FBXO11: variants seen among roughly 807,000 people sequenced by gnomAD.
FBXO11 encodes the protein F-box only protein 11.
FBXO11 carries 13 observed loss-of-function variants against 117.0 expected under a neutral mutation model. The observed-to-expected ratio is 0.11, with a 90% CI of 0.07 to 0.18. FBXO11 has a LOEUF of 0.18. Among genes scored for constraint, FBXO11 ranks in the 10% least tolerant of loss-of-function variants. FBXO11 has a pLI of 1.00. For synonymous variants in FBXO11, 490 were observed against 380.5 expected (o/e 1.29, Z -3.35); for missense variants, 767 against 1,164.4 (o/e 0.66, Z 4.97).
At chr2:47,899,118 C>CA (rs1327338176) in intron 1 of FBXO11, among the ~76,000 whole-genome samples, 5 of 151,656 alleles carry the variant, frequency 3.3e-5, no homozygotes, top group Admixed American at 3.3e-4. Flanking sequence ...ACTAAAAATA[C>CA]AAAAAATTAG....
chr2:47,826,462 T>C (rs1671764216), intron 11 of FBXO11, among the ~76,000 whole-genome samples: 1 of 152,198 alleles, frequency 6.6e-6, no homozygotes, highest in Non-Finnish European at 1.5e-5. Flanking sequence ...TCACATCTAT[T>C]TTATTAAGTA....
intron 1 of FBXO11, among the ~76,000 whole-genome samples, chr2:47,885,683 G>A (rs545745583): frequency 6.6e-6 from 1 of 152,316 alleles, no homozygotes; most frequent in South Asian, 2.1e-4. Flanking sequence ...TGTTCCACAG[G>A]TGGTAGAGTA....
In FBXO11 at chr2:47,905,969, G is replaced by A. The variant is rs1340987858; in HGVS notation, c.-249C>T. Reference sequence around the variant, plus strand: ...CTGACGCACGGGGAAGGCCGAAGCCGCCGGGCGGGGCGGCCGCGAGGGACG... The same window carrying A: ...CTGACGCACGGGGAAGGCCGAAGCCACCGGGCGGGGCGGCCGCGAGGGACG... On this transcript the variant is annotated 5_prime_UTR_variant, in exon 1 of 23. Coordinates refer to ENST00000403359, the MANE Select transcript of FBXO11 (RefSeq NM_001190274.2). 4.9e-6 allele frequency: 2 copies of A among 408,726 alleles called. No homozygotes were observed. Among genetic ancestry groups the A allele is most frequent in the Non-Finnish European group, 4.4e-6 (1 of 228,680 alleles). The allele number at this position is 408,726 out of a possible 1,614,324, so 25.3% of individuals were successfully genotyped here.
rs1015514094 is a variant in FBXO11 at position 47,906,448 on chromosome 2, C to T, written c.-728G>A. 6.6e-6 allele frequency among the ~76,000 whole-genome samples: 1 copy of T among 152,104 alleles called. No homozygotes were observed. Among genetic ancestry groups the T allele is most frequent in the African/African-American group, 2.4e-5 (1 of 41,432 alleles). On this transcript the variant is annotated 5_prime_UTR_variant, in exon 1 of 23. Coordinates refer to ENST00000403359, the MANE Select transcript of FBXO11 (RefSeq NM_001190274.2). ...AGCCCTGTCGCCGCTGCTTCTGCTG[C>T]TGCTCCGTGGCAGGAGGAGCCATTG... is the stretch of plus-strand genomic sequence containing the variant.
rs1172553149 is a variant in FBXO11 at position 47,900,621 on chromosome 2, C to CACGT, written c.232+4864_232+4867dup. Among the ~76,000 whole-genome samples, 106 of 43,134 alleles carry CACGT rather than the reference C, an allele frequency of 2.5e-3. 10 individuals are homozygous for CACGT. The highest frequency in any genetic ancestry group is 9.3e-3 in the African/African-American group (98 of 10,504). 28.3% of individuals were successfully genotyped at this position (43,134 alleles called of 152,430 possible). On this transcript the variant is annotated intron_variant, in intron 1 of 22. Transcript: ENST00000403359. ...ACACACGTATACACACGTATATACA[C>CACGT]ACGTATACACACACGTACGTATATA...
At chr2:47,895,704 T>C (rs528608149) in intron 1 of FBXO11, among the ~76,000 whole-genome samples, 2 of 152,246 alleles carry the variant, frequency 1.3e-5, no homozygotes, top group Non-Finnish European at 2.9e-5. Context: ...TGTTGTTGTT[T>C]TTTTTTGAGA....
At chr2:47,842,258 C>T (rs1673071956) in intron 1 of FBXO11, among the ~76,000 whole-genome samples, 1 of 152,098 alleles carries the variant, frequency 6.6e-6, no homozygotes, top group Non-Finnish European at 1.5e-5. Context: ...TCGTGATCTG[C>T]CCGCCTCGGC....
chr2:47,897,634 T>C (rs976279053), intron 1 of FBXO11, among the ~76,000 whole-genome samples: 1 of 148,444 alleles, frequency 6.7e-6, no homozygotes, highest in African/African-American at 2.5e-5. Flanking sequence ...GAGGCAGAGG[T>C]TGCAGTGAGC....
At chr2:47,886,105 C>T (rs1269762320) in intron 1 of FBXO11, among the ~76,000 whole-genome samples, 4 of 150,816 alleles carry the variant, frequency 2.7e-5, no homozygotes, top group African/African-American at 4.8e-5. Context: ...AATATCCCTC[C>T]GAATCATCAA....
At chr2:47,842,229 T>C (rs1170428469) in intron 1 of FBXO11, among the ~76,000 whole-genome samples, 2 of 151,822 alleles carry the variant, frequency 1.3e-5, no homozygotes, top group East Asian at 1.9e-4. Context: ...TTGGCCAGGA[T>C]GGTCTTCATC....
At chr2:47,855,282 C>T (rs551004445) in intron 1 of FBXO11, among the ~76,000 whole-genome samples, 1 of 151,852 alleles carries the variant, frequency 6.6e-6, no homozygotes, top group Admixed American at 6.6e-5. Flanking sequence ...CTCACTGCAG[C>T]CTCGACTTCT....
chr2:47,854,601 G>C (rs1472246657), intron 1 of FBXO11, among the ~76,000 whole-genome samples: 1 of 152,110 alleles, frequency 6.6e-6, no homozygotes, highest in Admixed American at 6.6e-5. Flanking sequence ...TGCAAAATGA[G>C]AGGGACAAAC....
intron 1 of FBXO11, among the ~76,000 whole-genome samples, chr2:47,868,208 G>A (rs564846450): frequency 2.1e-4 from 32 of 151,364 alleles, no homozygotes; most frequent in African/African-American, 6.3e-4. Flanking sequence ...ACTTGAACCC[G>A]GGAGGCGGAG....
At chr2:47,818,756 T>C (rs779913368) in intron 16 of FBXO11, 23 bp downstream of exon 16, 28 of 1,546,870 alleles carry the variant, frequency 1.8e-5, no homozygotes, top group Non-Finnish European at 2.3e-5. Flanking sequence ...TCCCAAAAGA[T>C]AGCCAAATAT....
chr2:47,845,203 C>G (rs1673314624), intron 1 of FBXO11, among the ~76,000 whole-genome samples: 1 of 117,502 alleles, frequency 8.5e-6, no homozygotes, highest in Non-Finnish European at 1.6e-5. Flanking sequence ...ATAGTAAAGA[C>G]TGAAAAGTAA....
chr2:47,906,451 C>T lies in FBXO11; in HGVS notation c.-731G>A, dbSNP rs1455907482. On this transcript the variant is annotated 5_prime_UTR_variant, in exon 1 of 23. Coordinates refer to ENST00000403359, the MANE Select transcript of FBXO11 (RefSeq NM_001190274.2). ...CCTGTCGCCGCTGCTTCTGCTGCTGCTCCGTGGCAGGAGGAGCCATTGACA... is the reference window on the plus strand; with the variant it reads ...CCTGTCGCCGCTGCTTCTGCTGCTGTTCCGTGGCAGGAGGAGCCATTGACA... Among the ~76,000 whole-genome samples, 1 of 152,092 alleles carries T rather than the reference C, an allele frequency of 6.6e-6. No homozygotes were observed. The highest frequency in any genetic ancestry group is 6.5e-5 in the Admixed American group (1 of 15,284).
At chr2:47,825,280 C>CT (rs1558416184) in intron 11 of FBXO11, among the ~76,000 whole-genome samples, 1 of 151,944 alleles carries the variant, frequency 6.6e-6, no homozygotes, top group Non-Finnish European at 1.5e-5. Context: ...TAACCTTATT[C>CT]TTTTTTAAAA....
chr2:47,895,818 G>A lies in FBXO11; in HGVS notation c.232+9671C>T, dbSNP rs142475888. Among the ~76,000 whole-genome samples the A allele has an allele frequency of 3.8e-3, 580 of 151,738 alleles. 2 individuals carry two copies. Among genetic ancestry groups the A allele is most frequent in the African/African-American group, 0.013 (528 of 41,380 alleles). On this transcript the variant is annotated intron_variant, in intron 1 of 22. Coordinates refer to ENST00000403359, the MANE Select transcript of FBXO11 (RefSeq NM_001190274.2). ...GGCGATTCTCCTGCCTCAGCCTCCCGAGTAGCTGGGATTACAGGCATCTGC... is the reference window on the plus strand; with the variant it reads ...GGCGATTCTCCTGCCTCAGCCTCCCAAGTAGCTGGGATTACAGGCATCTGC...
chr2:47,809,117 A>G, intron 21 of FBXO11, 41 bp downstream of exon 21: 1 of 1,247,574 alleles, frequency 8.0e-7, no homozygotes. Flanking sequence ...AAAGGAAATC[A>G]GTCTTCCTCT....
Sources: allele counts gnomAD v4.1 joint callset (sites outside exome capture counted in the v4.1 genomes callset), GRCh38; gene constraint gnomAD v4.1.1; transcripts MANE v1.5; gene names NCBI Gene and HGNC (gene_info 2026-07-23, HGNC 2026-07-21).